Variants in XKR6 observed in about 807,000 individuals in gnomAD.
XKR6 encodes XK related 6, also known as XK-related protein 6.
XKR6 carries 22 observed loss-of-function variants against 56.7 expected under a neutral mutation model. The ratio of observed to expected loss-of-function variants is 0.39; its 90% CI spans 0.28 to 0.55. XKR6 has a LOEUF of 0.55. XKR6 is among the 20% of genes least tolerant of loss of function. The probability of loss-of-function intolerance (pLI) is 0.66; values close to 1 mark genes in which losing one functional copy is unlikely to be tolerated. For synonymous variants in XKR6, 524 were observed against 387.8 expected, an observed-to-expected ratio of 1.35 and a Z score of -4.13; for missense variants, 852 against 889.0, an observed-to-expected ratio of 0.96 and a Z score of 0.53.
intron 1 of XKR6, among the ~76,000 whole-genome samples, chr8:11,002,133 G>A (rs73539366): frequency 0.043 from 6,361 of 149,016 alleles, 455 homozygotes; most frequent in African/African-American, 0.15. Context: ...AAATGCTTCC[G>A]CCTCTGTGCA....
At chr8:11,136,655 T>C (rs770949966) in intron 1 of XKR6, among the ~76,000 whole-genome samples, 5 of 152,066 alleles carry the variant, frequency 3.3e-5, no homozygotes, top group Non-Finnish European at 5.9e-5. Context: ...ACAAGAGGGA[T>C]GATCTCTTTA....
At chr8:10,969,832 G>A (rs1390886421) in intron 1 of XKR6, among the ~76,000 whole-genome samples, 4 of 152,194 alleles carry the variant, frequency 2.6e-5, no homozygotes, top group East Asian at 1.9e-4. Flanking sequence ...CAAGCCTGAC[G>A]CTCACCTGCC....
intron 1 of XKR6, among the ~76,000 whole-genome samples, chr8:10,985,716 A>G (rs1485306392): frequency 6.6e-6 from 1 of 152,126 alleles, no homozygotes; most frequent in African/African-American, 2.4e-5. Flanking sequence ...TAACCACTAA[A>G]CCTCTTTCCT....
At chr8:11,100,309 C>T (rs1798422946) in intron 1 of XKR6, among the ~76,000 whole-genome samples, 1 of 152,188 alleles carries the variant, frequency 6.6e-6, no homozygotes, top group Non-Finnish European at 1.5e-5. Context: ...CCCACTTCGA[C>T]CTCCCAAAGT....
intron 1 of XKR6, among the ~76,000 whole-genome samples, chr8:10,942,314 C>G (rs1236227740): frequency 6.6e-6 from 1 of 152,220 alleles, no homozygotes; most frequent in Non-Finnish European, 1.5e-5. Context: ...ATGCAAACTA[C>G]CAAATATCCA....
intron 1 of XKR6, among the ~76,000 whole-genome samples, chr8:10,951,065 G>A (rs56395516): frequency 0.18 from 27,277 of 152,136 alleles, 2,654 homozygotes; most frequent in Middle Eastern, 0.26. Flanking sequence ...TCAAGCGCCA[G>A]ACGGAGTCAC....
At chr8:11,135,008 G>A (rs1800308213) in intron 1 of XKR6, among the ~76,000 whole-genome samples, 2 of 151,072 alleles carry the variant, frequency 1.3e-5, no homozygotes, top group South Asian at 4.2e-4. Flanking sequence ...GTATATAAAT[G>A]TCAAAAATGC....
chr8:11,054,246 C>T (rs904322697), intron 1 of XKR6, among the ~76,000 whole-genome samples: 14 of 152,254 alleles, frequency 9.2e-5, no homozygotes, highest in Non-Finnish European at 2.1e-4. Flanking sequence ...CAAAGCAAGC[C>T]ACATCTGGGC....
At chr8:10,946,654 A>T (rs1283443892) in intron 1 of XKR6, among the ~76,000 whole-genome samples, 1 of 151,788 alleles carries the variant, frequency 6.6e-6, no homozygotes, top group Non-Finnish European at 1.5e-5. Flanking sequence ...AACCCCTCTC[A>T]GTCGTATTCA....
At chr8:11,032,368 T>G (rs1441122106) in intron 1 of XKR6, among the ~76,000 whole-genome samples, 1 of 152,246 alleles carries the variant, frequency 6.6e-6, no homozygotes, top group Non-Finnish European at 1.5e-5. Context: ...CATATTTTCC[T>G]GAGCAAAGCT....
At chr8:10,978,276 G>T (rs1802626957) in intron 1 of XKR6, among the ~76,000 whole-genome samples, 1 of 152,192 alleles carries the variant, frequency 6.6e-6, no homozygotes, top group Non-Finnish European at 1.5e-5. Context: ...ACTACACCAT[G>T]CAATTTATTG....
chr8:11,014,188 C>T (rs544597178), intron 1 of XKR6, among the ~76,000 whole-genome samples: 2 of 152,284 alleles, frequency 1.3e-5, no homozygotes, highest in South Asian at 2.1e-4. Flanking sequence ...TTGCATAATC[C>T]ATATTTTCAG....
At chr8:10,923,765 A>G (rs1800793038) in intron 2 of XKR6, among the ~76,000 whole-genome samples, 1 of 152,156 alleles carries the variant, frequency 6.6e-6, no homozygotes, top group Non-Finnish European at 1.5e-5. Flanking sequence ...GTGAGAATAC[A>G]AGAGACCAGG....
At chr8:10,920,251 T>A (rs1800672428) in intron 2 of XKR6, among the ~76,000 whole-genome samples, 1 of 151,486 alleles carries the variant, frequency 6.6e-6, no homozygotes, top group Non-Finnish European at 1.5e-5. Context: ...ATTCAGAAGG[T>A]CCATCTACAA....
intron 1 of XKR6, among the ~76,000 whole-genome samples, chr8:10,954,726 T>C (rs1213626641): frequency 6.6e-6 from 1 of 152,176 alleles, no homozygotes; most frequent in African/African-American, 2.4e-5. Context: ...TAGGAAGGCT[T>C]TGCCTAATCC....
chr8:11,201,295 A>C lies in XKR6; in HGVS notation c.45T>G (p.Ala15=). Residue 15 remains alanine (A), a synonymous_variant, in exon 1 of 3, where the codon GCT becomes GCG. Transcript: ENST00000416569. ...SDGGGVGVGF[A]QLHNLDEAVG... is the part of the protein sequence containing the mutation. ...CCGCCTCGTCCAGGTTGTGCAGCTG[A>C]GCGAAGCCCACCCCCACGCCACCGC... is the stretch of plus-strand genomic sequence containing the variant. 2.0e-6 allele frequency: 3 copies of C among 1,525,540 alleles called. No individual in the cohort carries two copies. Among genetic ancestry groups the C allele is most frequent in the Non-Finnish European group, 2.6e-6 (3 of 1,139,546 alleles). 94.5% of individuals were successfully genotyped at this position (1,525,540 alleles called of 1,614,324 possible). A position where few individuals can be genotyped will look rare whatever the true frequency, so the allele number is the denominator to read the frequency against.
At position 11,001,045 on chromosome 8, in the gene XKR6, T is replaced by C. The variant is rs189946169; in HGVS notation, c.765-76215A>G. On this transcript the variant is annotated intron_variant, in intron 1 of 2. Transcript: ENST00000416569. ...TGAAACAAACCTCAAGTATGAACTC[T>C]GGATTTAGGAGCGAAAATGCAGAAC... Among the ~76,000 whole-genome samples the C allele has an allele frequency of 4.5e-3, 683 of 152,344 alleles. 3 individuals are homozygous for C. Among genetic ancestry groups the C allele is most frequent in the African/African-American group, 0.015 (642 of 41,580 alleles).
At chr8:10,943,041 G>C (rs150550822) in intron 1 of XKR6, among the ~76,000 whole-genome samples, 54 of 152,342 alleles carry the variant, frequency 3.5e-4, no homozygotes, top group African/African-American at 1.2e-3. Context: ...ACCATAGGCT[G>C]CATGGCCCAG....
At chr8:10,989,233 T>C (rs952380161) in intron 1 of XKR6, among the ~76,000 whole-genome samples, 1 of 152,196 alleles carries the variant, frequency 6.6e-6, no homozygotes, top group Non-Finnish European at 1.5e-5. Flanking sequence ...TTGCTTGGAT[T>C]AACAGAAATG....
Sources: gnomAD v4.1 joint callset for allele counts (sites outside exome capture counted in the v4.1 genomes callset) on GRCh38, gnomAD v4.1.1 for gene constraint, MANE v1.5 for transcripts, NCBI Gene and HGNC (gene_info 2026-07-23, HGNC 2026-07-21) for gene names.